Variants in IL16 observed in about 807,000 individuals in gnomAD.
IL16 encodes the protein interleukin 16.
Under a neutral mutation model 110.1 loss-of-function variants are expected in IL16, and 67 were observed. The observed-to-expected ratio is 0.61, with a 90% CI of 0.50 to 0.75. The LOEUF (loss-of-function observed/expected upper bound fraction) is 0.75. Among genes scored for constraint, IL16 ranks in the 30% least tolerant of loss-of-function variants. The pLI is 0.00. For missense variants in IL16, 1,545 were observed against 1,655.0 expected (o/e 0.93, Z 1.15); for synonymous variants, 689 against 662.9 (o/e 1.04, Z -0.61).
intron 2 of IL16, among the ~76,000 whole-genome samples, chr15:81,237,052 T>C (rs1057158135): frequency 6.6e-6 from 1 of 152,216 alleles, no homozygotes; most frequent in Non-Finnish European, 1.5e-5. Flanking sequence ...TTACAACCCA[T>C]GTAGGCTTCT....
At position 81,293,034 on chromosome 15, in the gene IL16, C is replaced by G; in HGVS notation, c.1899C>G (p.Gly633=). 6.2e-7 allele frequency: 1 copy of G among 1,603,682 alleles called. No homozygotes were observed. The highest frequency in any genetic ancestry group is 8.5e-7 in the Non-Finnish European group (1 of 1,177,900). The change falls in exon 12 of 19, where the codon GGC becomes GGG. Residue 633 remains glycine, a synonymous_variant. Transcript: ENST00000683961. ...CTGGGCACACCCCACCCACCTGTGG[C>G]CAGGTAAGAGGATGGGTCCACAGGT... ...CSSGHTPPTC[G]QEARELLPLL... is the part of the protein sequence containing the mutation.
intron 1 of IL16, among the ~76,000 whole-genome samples, chr15:81,206,704 A>G (rs1161236245): frequency 2.6e-5 from 4 of 152,234 alleles, no homozygotes; most frequent in Admixed American, 6.5e-5. Context: ...TAACTACATG[A>G]AATTAACAAT....
chr15:81,192,379 C>G (rs6495546), upstream of IL16, among the ~76,000 whole-genome samples: 29 of 151,756 alleles, frequency 1.9e-4, no homozygotes, highest in Middle Eastern at 3.4e-3. Flanking sequence ...GGAAGGAGGA[C>G]TGCTTGAGGC....
intron 12 of IL16, 130 bp from the exon 13 acceptor site, chr15:81,296,798 T>C: frequency 2.6e-6 from 2 of 777,450 alleles, no homozygotes; most frequent in South Asian, 1.8e-5. Context: ...CCTCTTTACA[T>C]GGCTGCTGAT....
At chr15:81,243,145 A>ATATATATATATATT (rs1237169028) in intron 2 of IL16, among the ~76,000 whole-genome samples, 4 of 34,656 alleles carry the variant, frequency 1.2e-4, no homozygotes, top group African/African-American at 4.1e-4. Context: ...CTATATAAGT[A>ATATATATATATATT]TATATATATA....
At chr15:81,194,549 TA>T (rs988520138), upstream of IL16, among the ~76,000 whole-genome samples, 3 of 151,870 alleles carry the variant, frequency 2.0e-5, no homozygotes, top group African/African-American at 7.2e-5. Context: ...ATTTTGTAAT[TA>T]AAATTTTTGT....
At chr15:81,298,091 A>C (rs1437440470) in intron 13 of IL16, among the ~76,000 whole-genome samples, 1 of 152,184 alleles carries the variant, frequency 6.6e-6, no homozygotes, top group Non-Finnish European at 1.5e-5. Context: ...CCAATCTGCA[A>C]AGGGCTTGCC....
intron 1 of IL16, among the ~76,000 whole-genome samples, chr15:81,221,899 C>T (rs28480502): frequency 0.017 from 2,623 of 152,262 alleles, 75 homozygotes; most frequent in African/African-American, 0.06. Flanking sequence ...GCAAATGGTG[C>T]ATTGGGATTA....
rs1434732534 is a variant in IL16, at chr15:81,312,730, A to AAAAAT, written c.*3936_*3940dup. On this transcript the variant is annotated 3_prime_UTR_variant, in exon 19 of 19. Transcript: ENST00000683961. ...TTCCAAGTTGACACCTTTTTTAAGG[A>AAAAAT]AAAATAAATATTTTGCGGCATTAAA... 6.6e-6 allele frequency: 1 copy of AAAAAT among 152,278 alleles called. No individual in the cohort carries two copies. The highest frequency in any genetic ancestry group is 1.5e-5 in the Non-Finnish European group (1 of 68,054). 9.4% of individuals were successfully genotyped at this position (152,278 alleles called of 1,614,324 possible). A position where few individuals can be genotyped will look rare whatever the true frequency, so the allele number is the denominator to read the frequency against.
intron 4 of IL16, among the ~76,000 whole-genome samples, chr15:81,268,058 G>A (rs1898470674): frequency 6.6e-6 from 1 of 152,230 alleles, no homozygotes. Context: ...CTCCAAAGGA[G>A]GAGGAGAGGG....
At chr15:81,233,643 CTG>C (rs1019961812) in intron 2 of IL16, among the ~76,000 whole-genome samples, 41 of 151,866 alleles carry the variant, frequency 2.7e-4, no homozygotes, top group African/African-American at 9.7e-4. Flanking sequence ...GTATATATGT[CTG>C]TGTATGTGTA....
intron 1 of IL16, among the ~76,000 whole-genome samples, chr15:81,212,579 C>G (rs961655168): frequency 6.6e-6 from 1 of 152,094 alleles, no homozygotes; most frequent in African/African-American, 2.4e-5. Context: ...TCAGGTGATT[C>G]TCCCACTTCA....
intron 1 of IL16, among the ~76,000 whole-genome samples, chr15:81,209,629 G>T (rs903662988): frequency 1.4e-4 from 21 of 152,098 alleles, no homozygotes; most frequent in Non-Finnish European, 2.8e-4. Context: ...GCAATCAAAG[G>T]TTCCAGGTCA....
Position 81,290,484 on chromosome 15 carries a change from C to T in IL16, c.1364C>T (p.Ala455Val). 1 of 1,613,068 alleles carries T rather than the reference C, an allele frequency of 6.2e-7. No individual in the cohort carries two copies. The highest frequency in any genetic ancestry group is 8.5e-7 in the Non-Finnish European group (1 of 1,179,506). The change falls in exon 11 of 19, where the codon GCC becomes GTC. Residue 455 changes from alanine to valine, a missense_variant. Transcript: ENST00000683961. ...VSEQQLKEAVAQAVENTKFGK... is the reference protein window; with the variant it reads ...VSEQQLKEAVVQAVENTKFGK... Reference sequence around the variant, plus strand: ...GAACAGCAACTCAAAGAAGCTGTGGCCCAGGCTGTGGAAAACACCAAGTTT... The same window carrying T: ...GAACAGCAACTCAAAGAAGCTGTGGTCCAGGCTGTGGAAAACACCAAGTTT...
At chr15:81,242,415 T>C (rs1425285707) in intron 2 of IL16, among the ~76,000 whole-genome samples, 1 of 152,180 alleles carries the variant, frequency 6.6e-6, no homozygotes, top group Non-Finnish European at 1.5e-5. Flanking sequence ...TTTCTCTCAT[T>C]AGTGTCTTTG....
chr15:81,297,030 A>C lies in IL16; in HGVS notation c.2005A>C (p.Thr669Pro), dbSNP rs763951364. The C allele has an allele frequency of 3.7e-6, 6 of 1,613,974 alleles. 1 individual carries two copies. The South Asian group carries it at 6.6e-5, about 18-fold the overall frequency. The change falls in exon 13 of 19, where the codon ACC becomes CCC. Residue 669 changes from threonine to proline, a missense_variant. Thr to Pro is a conservative substitution (Grantham distance 38, BLOSUM62 -1). Coordinates refer to ENST00000683961, the MANE Select transcript of IL16 (RefSeq NM_172217.5). ...GCPGPGIGPQTKSSTEGEPGW... is the reference protein window; with the variant it reads ...GCPGPGIGPQPKSSTEGEPGW... Reference sequence around the variant, plus strand: ...CCCAGGACCTGGTATCGGCCCACAGACCAAGTCCTCCACAGAGGGCGAGCC... The same window carrying C: ...CCCAGGACCTGGTATCGGCCCACAGCCCAAGTCCTCCACAGAGGGCGAGCC...
At position 81,299,633 on chromosome 15, in the gene IL16, A is replaced by C; in HGVS notation, c.2307A>C (p.Lys769Asn). ...TGGACACCGCCAATGGCACTCCCAA[A>C]GTTTACAAGTCAGCAGACAGCAGCA... ...PKLDTANGTP[K>N]VYKSADSSTV... The change falls in exon 14 of 19, where the codon AAA becomes AAC. Residue 769 changes from lysine (K) to asparagine (N), a missense_variant. Around this residue, in one of 3 missense-constraint regions of IL16, gnomAD observed 1,185 missense variants for 1,238.8 expected, o/e 0.96. Coordinates refer to ENST00000683961, the MANE Select transcript of IL16 (RefSeq NM_172217.5). 1.2e-6 allele frequency: 2 copies of C among 1,614,218 alleles called. No homozygotes were observed. Among genetic ancestry groups the C allele is most frequent in the Non-Finnish European group, 8.5e-7 (1 of 1,180,038 alleles).
Position 81,212,205 on chromosome 15 carries a change from A to G in IL16, c.-101-13094A>G, listed in dbSNP as rs186572638. On this transcript the variant is annotated intron_variant, in intron 1 of 18. Transcript: ENST00000683961. The stretch of plus-strand genomic sequence containing the variant: ...TGATATTGGTCTATTCAGAGTTTCA[A>G]TATCTTCCTGATTCAATCTTTGGAG... Among the ~76,000 whole-genome samples, 18 of 152,168 alleles carry G rather than the reference A, an allele frequency of 1.2e-4. No individual in the cohort carries two copies. In the East Asian group the frequency reaches 3.5e-3, roughly 29 times the overall value.
At chr15:81,197,284 G>C in intron 1 of IL16, 132 bp downstream of exon 1, 1 of 477,316 alleles carries the variant, frequency 2.1e-6, no homozygotes, top group Middle Eastern at 3.4e-4. Flanking sequence ...AGTGGTGCTG[G>C]GGTCAGGGGC....
Sources: gnomAD v4.1 joint callset for allele counts (sites outside exome capture counted in the v4.1 genomes callset) on GRCh38, gnomAD v4.1.1 for gene constraint, gnomAD v4.1.1 regional missense constraint, MANE v1.5 for transcripts, NCBI Gene and HGNC (gene_info 2026-07-23, HGNC 2026-07-21) for gene names.